Variants in UBR1 observed in about 807,000 individuals in gnomAD.
The protein encoded by UBR1 is ubiquitin protein ligase E3 component n-recognin 1.
In UBR1, 102 loss-of-function variants were observed where a neutral mutation model predicts 242.1. The ratio of observed to expected loss-of-function variants is 0.42; its 90% confidence interval spans 0.36 to 0.50. UBR1 has a LOEUF of 0.50. Among genes scored for constraint, UBR1 ranks in the 20% least tolerant of loss-of-function variants. The pLI is 0.01. For synonymous variants in UBR1, 675 were observed against 684.8 expected (o/e 0.99, Z 0.22); for missense variants, 1,772 against 2,101.8 (o/e 0.84, Z 3.07).
intron 21 of UBR1, among the ~76,000 whole-genome samples, chr15:43,028,190 C>T (rs559313035): frequency 1.4e-4 from 21 of 152,248 alleles, no homozygotes; most frequent in African/African-American, 4.3e-4. Context: ...TGTACATGCC[C>T]ATGCTGTATT....
intron 27 of UBR1, among the ~76,000 whole-genome samples, chr15:43,020,311 G>A (rs1368730336): frequency 2.0e-5 from 3 of 152,156 alleles, no homozygotes. Context: ...AAAGTGCTGG[G>A]ATTACAGGTG....
intron 37 of UBR1, among the ~76,000 whole-genome samples, chr15:42,982,521 G>A (rs1242121337): frequency 2.0e-5 from 3 of 152,080 alleles, no homozygotes; most frequent in Non-Finnish European, 4.4e-5. Context: ...GGAGACACCT[G>A]GAAGTTAATT....
intron 9 of UBR1, 120 bp from the exon 10 acceptor site, chr15:43,058,549 C>T (rs2033645224): frequency 1.5e-6 from 1 of 659,546 alleles, no homozygotes; most frequent in South Asian, 1.8e-5. Flanking sequence ...AAACAGACCT[C>T]AAATAGTATT....
chr15:42,975,554 C>A (rs1167617107), intron 39 of UBR1, among the ~76,000 whole-genome samples: 3 of 152,044 alleles, frequency 2.0e-5, no homozygotes, highest in Non-Finnish European at 4.4e-5. Context: ...AGTTGGTGTA[C>A]CACAGGGTAA....
Position 42,985,347 on chromosome 15 carries a change from C to T in UBR1, c.3998-405G>A, listed in dbSNP as rs2032442095. Among the ~76,000 whole-genome samples, 3 of 152,072 alleles carry T rather than the reference C, an allele frequency of 2.0e-5. No homozygotes were observed. In the South Asian group the frequency reaches 6.2e-4, roughly 31 times the overall value. On this transcript the variant is annotated intron_variant, in intron 35 of 46. Coordinates refer to ENST00000290650, the MANE Select transcript of UBR1 (RefSeq NM_174916.3). ...GGCAGATACAAACAACTTCATTGCT[C>T]TTTTGGGTACAATTTTTTTTTTGAG... is the stretch of plus-strand genomic sequence containing the variant.
chr15:43,066,574 G>A lies in UBR1; in HGVS notation c.798+1324C>T, dbSNP rs1055397411. Among the ~76,000 whole-genome samples the A allele has an allele frequency of 4.6e-5, 7 of 152,166 alleles. No individual in the cohort carries two copies. The East Asian group carries it at 1.3e-3, about 29-fold the overall frequency. On this transcript the variant is annotated intron_variant, in intron 6 of 46. Coordinates refer to ENST00000290650, the MANE Select transcript of UBR1 (RefSeq NM_174916.3). ...GGGCAGTATGGTCGTTTTTACAATG[G>A]TGATTCTTCCCATCCATGAAGATGG...
intron 1 of UBR1, among the ~76,000 whole-genome samples, chr15:43,090,282 AATC>A (rs1329006980): frequency 1.3e-5 from 2 of 152,176 alleles, no homozygotes; most frequent in Admixed American, 6.5e-5. Flanking sequence ...CATAGAGAAA[AATC>A]ATGACGACTA....
intron 15 of UBR1, among the ~76,000 whole-genome samples, chr15:43,042,958 C>A (rs1451863900): frequency 6.6e-6 from 1 of 151,996 alleles, no homozygotes; most frequent in East Asian, 1.9e-4. Flanking sequence ...AGATGAGTTA[C>A]CACGTTAGTC....
At chr15:42,979,996 T>C (rs2032351193) in intron 37 of UBR1, among the ~76,000 whole-genome samples, 1 of 152,214 alleles carries the variant, frequency 6.6e-6, no homozygotes, top group Non-Finnish European at 1.5e-5. Context: ...CAACAAGTCA[T>C]TTGCTGTTTC....
intron 4 of UBR1, among the ~76,000 whole-genome samples, chr15:43,071,538 TG>T (rs2141347434): frequency 6.6e-6 from 1 of 152,286 alleles, no homozygotes; most frequent in South Asian, 2.1e-4. Flanking sequence ...CACAACAATG[TG>T]AATATACTTA....
At chr15:43,066,507 T>C (rs2033754009) in intron 6 of UBR1, among the ~76,000 whole-genome samples, 1 of 152,218 alleles carries the variant, frequency 6.6e-6, no homozygotes, top group South Asian at 2.1e-4. Flanking sequence ...AGAACATTAA[T>C]GGTAGTTTAA....
chr15:42,975,367 T>C (rs557810232), intron 39 of UBR1, among the ~76,000 whole-genome samples: 1 of 152,360 alleles, frequency 6.6e-6, no homozygotes, highest in East Asian at 1.9e-4. Flanking sequence ...TTTTTAAAAC[T>C]GCATAGAATT....
chr15:43,067,930 C>A lies in UBR1; in HGVS notation c.766G>T (p.Ala256Ser), dbSNP rs201386354. The change falls in exon 6 of 47, where the codon GCC becomes TCC. Residue 256 changes from alanine to serine, a missense_variant. Physicochemically the swap from Ala to Ser is moderately conservative, Grantham distance 99 (BLOSUM62 1). This residue lies in a region of UBR1 where 734 missense variants were observed against 893.3 expected (regional missense o/e 0.82). Transcript: ENST00000290650. ...TCAATGGCAGTGGTATGCAACTGGG[C>A]CTCTGCGAGCTCACAGTCAAGAGCT... ...QRALDCELAE[A>S]QLHTTAIDKE... is the part of the protein sequence containing the mutation. 1 of 1,613,850 alleles carries A rather than the reference C, an allele frequency of 6.2e-7. No homozygotes were observed. Among genetic ancestry groups the A allele is most frequent in the East Asian group, 2.2e-5 (1 of 44,868 alleles).
At chr15:43,054,978 G>T in intron 11 of UBR1, 79 bp from the exon 12 acceptor site, 3 of 1,458,898 alleles carry the variant, frequency 2.1e-6, no homozygotes, top group Non-Finnish European at 2.9e-6. Flanking sequence ...CATTTGGTTA[G>T]TCAGTATGTC....
chr15:42,989,739 T>C (rs1426307272), intron 34 of UBR1, among the ~76,000 whole-genome samples: 1 of 152,180 alleles, frequency 6.6e-6, no homozygotes, highest in African/African-American at 2.4e-5. Flanking sequence ...GGTCCTCTTG[T>C]AGGACCAGAC....
intron 1 of UBR1, among the ~76,000 whole-genome samples, chr15:43,098,515 G>A (rs2141371148): frequency 6.6e-6 from 1 of 152,220 alleles, no homozygotes; most frequent in South Asian, 2.1e-4. Context: ...GTATTTCACT[G>A]GTTCATCTGT....
chr15:43,085,501 T>C (rs1469050113), intron 2 of UBR1, among the ~76,000 whole-genome samples: 1 of 152,144 alleles, frequency 6.6e-6, no homozygotes, highest in Non-Finnish European at 1.5e-5. Flanking sequence ...TATAACGGTA[T>C]AATAAAAGAA....
Position 43,002,689 on chromosome 15 carries a change from T to C in UBR1, c.3525A>G (p.Val1175=), listed in dbSNP as rs1247886899. The C allele has an allele frequency of 4.3e-6, 7 of 1,614,160 alleles. No homozygotes were observed. The Admixed American group carries it at 5.0e-5, about 12-fold the overall frequency. ...AVCWQKYFEA[V]QLSSQQRIHV... Reference sequence around the variant, plus strand: ...GAATGCGCTGCTGAGAGCTCAGCTGTACAGCTTCAAAATACCTGCAAAATT... The same window carrying C: ...GAATGCGCTGCTGAGAGCTCAGCTGCACAGCTTCAAAATACCTGCAAAATT... Residue 1175 remains valine (V), a synonymous_variant, in exon 32 of 47, where the codon GTA becomes GTG. Coordinates refer to ENST00000290650, the MANE Select transcript of UBR1 (RefSeq NM_174916.3).
chr15:43,098,490 A>C (rs2034187702), intron 1 of UBR1, among the ~76,000 whole-genome samples: 2 of 152,212 alleles, frequency 1.3e-5, no homozygotes, highest in African/African-American at 4.8e-5. Flanking sequence ...AAGCTCAATA[A>C]AATAAGGTAT....
Sources: allele counts gnomAD v4.1 joint callset (sites outside exome capture counted in the v4.1 genomes callset), GRCh38; gene constraint gnomAD v4.1.1; regional missense constraint gnomAD v4.1.1; transcripts MANE v1.5; gene names NCBI Gene and HGNC (gene_info 2026-07-23, HGNC 2026-07-21).